KLF7: variants seen among roughly 807,000 people sequenced by gnomAD.
KLF7 encodes the protein KLF transcription factor 7, also known as Krueppel-like factor 7.
KLF7 carries 2 observed loss-of-function variants against 27.3 expected under a neutral mutation model. That is an observed-to-expected ratio of 0.07 (90% CI 0.03 to 0.23). The LOEUF (loss-of-function observed/expected upper bound fraction) is 0.23, where lower values mean the gene tolerates loss of function less well. Ranked by LOEUF, KLF7 falls within the 10% of genes least tolerant of loss-of-function variation. The pLI is 1.00. For synonymous variants in KLF7, 165 were observed against 162.4 expected (o/e 1.02, Z -0.12); for missense variants, 221 against 394.1 (o/e 0.56, Z 3.72).
intron 2 of KLF7, among the ~76,000 whole-genome samples, chr2:207,117,084 T>C (rs998556355): frequency 8.5e-5 from 13 of 152,216 alleles, no homozygotes; most frequent in African/African-American, 2.9e-4. Flanking sequence ...TATTTTAACA[T>C]ACTTATTTGC....
intron 1 of KLF7, among the ~76,000 whole-genome samples, chr2:207,136,142 A>C (rs930803731): frequency 6.6e-5 from 10 of 152,142 alleles, no homozygotes; most frequent in African/African-American, 1.7e-4. Context: ...CTTTCCAGCA[A>C]ACTACTGAAT....
intron 1 of KLF7, chr2:207,134,188 T>C (rs2077720182): frequency 2.4e-6 from 3 of 1,244,396 alleles, no homozygotes; most frequent in Non-Finnish European, 2.2e-6. Flanking sequence ...AGCAAACTCA[T>C]TTCATTGGCT....
chr2:207,105,256 C>T (rs1362251802), intron 2 of KLF7, among the ~76,000 whole-genome samples: 1 of 152,198 alleles, frequency 6.6e-6, no homozygotes, highest in Non-Finnish European at 1.5e-5. Context: ...ACCTGCCGCC[C>T]CTTTCTGAAG....
chr2:207,140,588 A>G (rs2077912770), intron 1 of KLF7, among the ~76,000 whole-genome samples: 1 of 152,200 alleles, frequency 6.6e-6, no homozygotes, highest in South Asian at 2.1e-4. Context: ...AAAATCTTGG[A>G]TGCCAGTAGC....
At chr2:207,101,427 A>G (rs2076762668) in intron 2 of KLF7, among the ~76,000 whole-genome samples, 1 of 152,202 alleles carries the variant, frequency 6.6e-6, no homozygotes, top group African/African-American at 2.4e-5. Flanking sequence ...CAGGTGTCCC[A>G]GAGATGATCA....
Position 207,131,019 on chromosome 2 carries a change from G to A in KLF7, c.103-6615C>T, listed in dbSNP as rs549763157. On this transcript the variant is annotated intron_variant, in intron 1 of 3. Transcript: ENST00000309446. ...TAATCTCAGTCATTCCACCTATCTC[G>A]CCTAAAAGGGCCAAGAGTTAAAAGT... Among the ~76,000 whole-genome samples the A allele has an allele frequency of 9.9e-5, 15 of 152,190 alleles. No individual in the cohort carries two copies. In the South Asian group the frequency reaches 1.9e-3, roughly 19 times the overall value.
In KLF7 at chr2:207,080,998, A is replaced by G. The variant is rs2076256605; in HGVS notation, c.*215T>C. On this transcript the variant is annotated 3_prime_UTR_variant, in exon 4 of 4. Coordinates refer to ENST00000309446, the MANE Select transcript of KLF7 (RefSeq NM_003709.4). ...GGCAAGGCATAAAGAATAGACGTAT[A>G]TATTTTAAATATAGTTGAGTGCATG... is the stretch of plus-strand genomic sequence containing the variant. 1.9e-6 allele frequency: 1 copy of G among 539,246 alleles called. No individual in the cohort carries two copies. The highest frequency in any genetic ancestry group is 3.0e-5 in the South Asian group (1 of 33,842). The allele number at this position is 539,246 out of a possible 1,614,324, so 33.4% of individuals were successfully genotyped here. A position where few individuals can be genotyped will look rare whatever the true frequency, so the allele number is the denominator to read the frequency against.
chr2:207,161,361 A>T (rs556992886), intron 1 of KLF7, among the ~76,000 whole-genome samples: 1 of 152,224 alleles, frequency 6.6e-6, no homozygotes, highest in East Asian at 1.9e-4. Context: ...CCAAAAAAAA[A>T]CAGTTATTTT....
upstream of KLF7, chr2:207,166,792 C>T (rs1387425440): frequency 9.0e-6 from 9 of 998,152 alleles, no homozygotes; most frequent in Admixed American, 1.8e-4. Context: ...AGGGCCCCTT[C>T]CCGAACTCCC....
chr2:207,162,095 A>C (rs1296104345), intron 1 of KLF7, among the ~76,000 whole-genome samples: 9 of 152,194 alleles, frequency 5.9e-5, no homozygotes, highest in Non-Finnish European at 1.2e-4. Flanking sequence ...AAAGTTCTAA[A>C]AGTCTTTGTA....
At position 207,077,501 on chromosome 2, in the gene KLF7, A is replaced by G. The variant is rs1407836881; in HGVS notation, c.*3712T>C. The G allele has an allele frequency of 1.3e-5, 2 of 152,246 alleles. No homozygotes were observed. The highest frequency in any genetic ancestry group is 2.1e-4 in the South Asian group (1 of 4,832). 9.4% of individuals were successfully genotyped at this position (152,246 alleles called of 1,614,324 possible). On this transcript the variant is annotated 3_prime_UTR_variant, in exon 4 of 4. Transcript: ENST00000309446. ...CAGGTGGAGAGGAGATGGCGTCGAG[A>G]GAAGAGGATATTTGAAGGGCTTTGC...
At chr2:207,096,944 T>C (rs932617034) in intron 2 of KLF7, among the ~76,000 whole-genome samples, 27 of 152,334 alleles carry the variant, frequency 1.8e-4, no homozygotes, top group African/African-American at 6.5e-4. Context: ...TCAAACTTAT[T>C]AGAATTCCCT....
chr2:207,155,006 T>C (rs1280384768), intron 1 of KLF7, among the ~76,000 whole-genome samples: 5 of 152,216 alleles, frequency 3.3e-5, no homozygotes, highest in Admixed American at 3.3e-4. Context: ...GCTTCTGCCC[T>C]AATGTCCCCT....
intron 2 of KLF7, among the ~76,000 whole-genome samples, chr2:207,119,337 T>G (rs1472772911): frequency 6.6e-6 from 1 of 152,244 alleles, no homozygotes; most frequent in Non-Finnish European, 1.5e-5. Flanking sequence ...AAAGCACCAT[T>G]TCAATGAAAG....
chr2:207,093,003 C>T (rs2076546089), intron 2 of KLF7, among the ~76,000 whole-genome samples: 1 of 152,202 alleles, frequency 6.6e-6, no homozygotes, highest in Non-Finnish European at 1.5e-5. Context: ...TCTCACTGGT[C>T]TTAGGCCTTC....
intron 3 of KLF7, among the ~76,000 whole-genome samples, chr2:207,082,849 T>C (rs1363732995): frequency 6.6e-6 from 1 of 152,176 alleles, no homozygotes; most frequent in East Asian, 1.9e-4. Context: ...ACAAAAAATA[T>C]CCACCCTTTC....
intron 1 of KLF7, among the ~76,000 whole-genome samples, chr2:207,163,869 A>G (rs2078620240): frequency 6.6e-6 from 1 of 152,272 alleles, no homozygotes; most frequent in African/African-American, 2.4e-5. Context: ...AATAAAAGGA[A>G]GAAAAAGATC....
At chr2:207,171,815 G>C (rs1406925526), upstream of KLF7, among the ~76,000 whole-genome samples, 3 of 152,156 alleles carry the variant, frequency 2.0e-5, no homozygotes, top group Non-Finnish European at 4.4e-5. Context: ...CAAAAAACTT[G>C]CATGACCCAC....
intron 1 of KLF7, among the ~76,000 whole-genome samples, chr2:207,150,439 G>T (rs1007690781): frequency 1.3e-5 from 2 of 152,018 alleles, no homozygotes; most frequent in African/African-American, 2.4e-5. Flanking sequence ...AAACTGAATA[G>T]AAATCATAAA....
Sources: allele counts gnomAD v4.1 joint callset (sites outside exome capture counted in the v4.1 genomes callset), GRCh38; gene constraint gnomAD v4.1.1; transcripts MANE v1.5; gene names NCBI Gene and HGNC (gene_info 2026-07-23, HGNC 2026-07-21).